CYREN: variants seen among roughly 807,000 people sequenced by gnomAD.
The protein encoded by CYREN is cell cycle regulator of NHEJ.
CYREN carries 7 observed loss-of-function variants against 9.7 expected under a neutral mutation model. The ratio of observed to expected loss-of-function variants is 0.72; its 90% confidence interval spans 0.41 to 1.36. CYREN has a LOEUF of 1.36. CYREN is among the 40% of genes most tolerant of loss of function. CYREN has a pLI of 0.01. For synonymous variants in CYREN, 76 were observed against 77.9 expected, an observed-to-expected ratio of 0.98 and a Z score of 0.13; for missense variants, 215 against 198.1, an observed-to-expected ratio of 1.09 and a Z score of -0.51.
intron 2 of CYREN, chr7:135,128,881 A>G (rs1385661781): frequency 3.7e-6 from 5 of 1,364,574 alleles, no homozygotes; most frequent in Non-Finnish European, 5.2e-6. Context: ...TTGGACTTTG[A>G]TCAAGCTCAG....
chr7:135,149,979 T>G (rs1482304728), intron 2 of CYREN, among the ~76,000 whole-genome samples: 1 of 152,204 alleles, frequency 6.6e-6, no homozygotes, highest in African/African-American at 2.4e-5. Flanking sequence ...AAATCTTTAT[T>G]TTAGAATAGT....
exon 3 of CYREN, chr7:135,092,400 C>G (rs1258070516): frequency 6.6e-6 from 1 of 152,048 alleles, no homozygotes; most frequent in Non-Finnish European, 1.5e-5. Flanking sequence ...GTTTAATCAT[C>G]CTGAAACTAT....
intron 2 of CYREN, among the ~76,000 whole-genome samples, chr7:135,155,773 C>G (rs914445527): frequency 6.6e-6 from 1 of 152,204 alleles, no homozygotes; most frequent in Non-Finnish European, 1.5e-5. Flanking sequence ...ATTGCTTGAG[C>G]CCACGAGGTC....
At chr7:135,129,667 T>G in intron 2 of CYREN, 1 of 778,670 alleles carries the variant, frequency 1.3e-6, no homozygotes, top group Non-Finnish European at 2.4e-6. Flanking sequence ...GATGAAGATA[T>G]TTGGGAAGAT....
chr7:135,148,128 C>T (rs1424567071), intron 2 of CYREN: 2 of 454,108 alleles, frequency 4.4e-6, no homozygotes, highest in East Asian at 7.0e-5. Context: ...CTCAGGACTG[C>T]ATCTGCCTGC....
rs184117522 is a variant in CYREN at position 135,101,094 on chromosome 7, C to T, written n.357-6512G>A. 2,519 of 443,102 alleles carry T rather than the reference C, an allele frequency of 5.7e-3. 17 individuals carry two copies. Among genetic ancestry groups the T allele is most frequent in the Non-Finnish European group, 8.1e-3 (1,789 of 220,300 alleles). 27.4% of individuals were successfully genotyped at this position (443,102 alleles called of 1,614,324 possible). ...ATTTTTTTCATCTCCCAAAGTATGA[C>T]TCAGAGTCATAGCAAAGACCAACAC... On this transcript the variant is annotated intron_variant and non_coding_transcript_variant, in intron 2 of 2. Transcript: ENST00000459937.
intron 2 of CYREN, among the ~76,000 whole-genome samples, chr7:135,127,938 G>A (rs2348281): frequency 0.95 from 144,963 of 152,212 alleles, 69,370 homozygotes; most frequent in Non-Finnish European, 1. Context: ...ATACCCATCA[G>A]TGATAGACTG....
At chr7:135,103,950 G>C (rs1406670730) in intron 2 of CYREN, among the ~76,000 whole-genome samples, 1 of 151,986 alleles carries the variant, frequency 6.6e-6, no homozygotes, top group Non-Finnish European at 1.5e-5. Flanking sequence ...TGGGGTACAT[G>C]TGCAGGTACC....
intron 2 of CYREN, among the ~76,000 whole-genome samples, chr7:135,156,254 C>T (rs750649735): frequency 2.6e-5 from 4 of 152,182 alleles, no homozygotes; most frequent in Non-Finnish European, 5.9e-5. Flanking sequence ...CTGGGGATCA[C>T]TGGGCCTCCT....
chr7:135,157,850 G>A (rs1829833493), intron 2 of CYREN, among the ~76,000 whole-genome samples: 1 of 152,128 alleles, frequency 6.6e-6, no homozygotes, highest in East Asian at 1.9e-4. Flanking sequence ...TTGCCTGATT[G>A]TTAATTCAGA....
chr7:135,107,813 T>C (rs779601247), intron 2 of CYREN, among the ~76,000 whole-genome samples: 3 of 152,162 alleles, frequency 2.0e-5, no homozygotes. Flanking sequence ...TAGTGGAGTA[T>C]TGAAGTCTCC....
chr7:135,170,200 T>TAC (rs1830549133), intron 1 of CYREN: 1 of 152,270 alleles, frequency 6.6e-6, no homozygotes, highest in Non-Finnish European at 1.5e-5. Context: ...CTCCCCGCCC[T>TAC]ACTTCTGGGC....
intron 2 of CYREN, among the ~76,000 whole-genome samples, chr7:135,150,341 T>C (rs781758033): frequency 2.0e-5 from 3 of 152,208 alleles, no homozygotes; most frequent in Non-Finnish European, 2.9e-5. Context: ...TCACCCTGTT[T>C]ATTTCTTTCC....
chr7:135,143,759 T>C (rs1438774884), intron 2 of CYREN, among the ~76,000 whole-genome samples: 1 of 152,216 alleles, frequency 6.6e-6, no homozygotes. Flanking sequence ...AAATATTTTT[T>C]AGAAAAACCC....
intron 2 of CYREN, among the ~76,000 whole-genome samples, chr7:135,145,028 T>C (rs1829522099): frequency 6.9e-6 from 1 of 145,208 alleles, no homozygotes; most frequent in South Asian, 2.2e-4. Flanking sequence ...TGGATACACA[T>C]TCAATTTTGC....
At chr7:135,172,377 T>G (rs943325665), upstream of CYREN, among the ~76,000 whole-genome samples, 1 of 151,626 alleles carries the variant, frequency 6.6e-6, no homozygotes, top group African/African-American at 2.4e-5. Context: ...AATTTCGTGA[T>G]TTTGGTTTGG....
At chr7:135,158,006 G>T (rs987296884) in intron 2 of CYREN, among the ~76,000 whole-genome samples, 1 of 151,668 alleles carries the variant, frequency 6.6e-6, no homozygotes, top group African/African-American at 2.4e-5. Flanking sequence ...ACAGCAACCC[G>T]TAGCAGGCAC....
rs1828279586 is a variant in CYREN at position 135,128,560 on chromosome 7, T to A, written n.357-33978A>T. The A allele has an allele frequency of 3.9e-6, 3 of 768,886 alleles. No individual in the cohort carries two copies. In the Admixed American group the frequency reaches 5.2e-5, roughly 13 times the overall value. The allele number at this position is 768,886 out of a possible 1,614,324, so 47.6% of individuals were successfully genotyped here. ...GTGGAGAAACCAGGATCTATTTGGA[T>A]TTGCCATAGAATTTCAAGATGTTTG... On this transcript the variant is annotated intron_variant and non_coding_transcript_variant, in intron 2 of 2. Coordinates refer to the CYREN transcript ENST00000459937.
intron 3 of CYREN, chr7:135,167,092 A>C: frequency 1.0e-6 from 1 of 985,340 alleles, no homozygotes; most frequent in Non-Finnish European, 1.2e-6. Context: ...CTCGGGAGAG[A>C]AGCAAGCAAA....
Sources: gnomAD v4.1 joint callset for allele counts (sites outside exome capture counted in the v4.1 genomes callset) on GRCh38, gnomAD v4.1.1 for gene constraint, MANE v1.5 for transcripts, NCBI Gene and HGNC (gene_info 2026-07-23, HGNC 2026-07-21) for gene names.